The following DYRK1A variants were observed in gnomAD, a reference collection of about 807,000 sequenced individuals.
DYRK1A encodes dual specificity tyrosine-phosphorylation-regulated kinase 1A.
Under a neutral mutation model 79.7 loss-of-function variants are expected in DYRK1A, and 9 were observed. The ratio of observed to expected loss-of-function variants is 0.11; its 90% CI spans 0.07 to 0.20. The LOEUF is 0.20. Ranked by LOEUF, DYRK1A falls within the 10% of genes least tolerant of loss-of-function variation. The pLI is 1.00. For missense variants in DYRK1A, 622 were observed against 956.0 expected (o/e 0.65, Z 4.61); for synonymous variants, 349 against 329.7 (o/e 1.06, Z -0.63).
chr21:37,505,961 A>T, intron 10 of DYRK1A, 138 bp from the exon 11 acceptor site: 2 of 1,094,014 alleles, frequency 1.8e-6, no homozygotes, highest in Non-Finnish European at 2.5e-6. Flanking sequence ...TTTGTGATAT[A>T]CTTTCAAGTT....
intron 2 of DYRK1A, chr21:37,425,706 A>G (rs2050600238): frequency 6.6e-6 from 1 of 152,248 alleles, no homozygotes; most frequent in Admixed American, 6.5e-5. Context: ...CAGAGTAACT[A>G]GCTCAGCAAA....
At chr21:37,430,517 G>A (rs1438387973) in intron 2 of DYRK1A, 3 of 569,706 alleles carry the variant, frequency 5.3e-6, no homozygotes, top group Non-Finnish European at 6.7e-6. Flanking sequence ...AACCCTTGTT[G>A]CCCAACTCAA....
At chr21:37,439,290 C>A (rs1317070599) in intron 2 of DYRK1A, among the ~76,000 whole-genome samples, 1 of 152,062 alleles carries the variant, frequency 6.6e-6, no homozygotes, top group Non-Finnish European at 1.5e-5. Flanking sequence ...CTTTTTCTTG[C>A]CGTTCTACAT....
At chr21:37,500,768 A>G (rs994583287) in intron 9 of DYRK1A, among the ~76,000 whole-genome samples, 1 of 151,898 alleles carries the variant, frequency 6.6e-6, no homozygotes, top group Admixed American at 6.6e-5. Context: ...ATATTTTACT[A>G]TAATTTTTTT....
At chr21:37,374,490 A>G (rs960770739) in intron 1 of DYRK1A, among the ~76,000 whole-genome samples, 1 of 151,870 alleles carries the variant, frequency 6.6e-6, no homozygotes, top group Non-Finnish European at 1.5e-5. Context: ...GAACTTGTCA[A>G]AGTTAAGAGA....
intron 9 of DYRK1A, chr21:37,501,424 TCC>T (rs1337837880): frequency 6.6e-6 from 1 of 152,196 alleles, no homozygotes; most frequent in Admixed American, 6.5e-5. Context: ...TGCCTTGTCC[TCC>T]CAAAGTGCTG....
At chr21:37,504,603 T>C (rs1207898717) in intron 9 of DYRK1A, 1 of 152,260 alleles carries the variant, frequency 6.6e-6, no homozygotes, top group Non-Finnish European at 1.5e-5. Context: ...TCAATATTTA[T>C]AGAGATCTTG....
At chr21:37,435,194 A>T (rs748370204) in intron 2 of DYRK1A, among the ~76,000 whole-genome samples, 1 of 152,202 alleles carries the variant, frequency 6.6e-6, no homozygotes, top group Non-Finnish European at 1.5e-5. Flanking sequence ...TTGTTTTCCT[A>T]TTGGACAATT....
chr21:37,402,589 T>C (rs1250374281), intron 1 of DYRK1A, among the ~76,000 whole-genome samples: 1 of 152,230 alleles, frequency 6.6e-6, no homozygotes, highest in Non-Finnish European at 1.5e-5. Context: ...GGTTATCATT[T>C]GAAAGATTTT....
intron 2 of DYRK1A, among the ~76,000 whole-genome samples, chr21:37,420,626 G>A (rs1292599392): frequency 6.6e-6 from 1 of 152,042 alleles, no homozygotes; most frequent in Non-Finnish European, 1.5e-5. Flanking sequence ...GGCTTTTCAA[G>A]AGCTAATATT....
At chr21:37,396,263 A>G (rs1368950913) in intron 1 of DYRK1A, among the ~76,000 whole-genome samples, 1 of 152,000 alleles carries the variant, frequency 6.6e-6, no homozygotes, top group East Asian at 1.9e-4. Context: ...GAAGTAGAAT[A>G]GGGTTTCTAA....
At position 37,480,769 on chromosome 21, in the gene DYRK1A, A is replaced by G; in HGVS notation, c.432A>G (p.Glu144=). 6.2e-7 allele frequency: 1 copy of G among 1,612,266 alleles called. No individual in the cohort carries two copies. The highest frequency in any genetic ancestry group is 1.7e-5 in the Admixed American group (1 of 59,666). ...DNYDYIVKNG[E]KWMDRYEIDS... ...ATGATTATATTGTAAAAAACGGAGAAAAGTGGATGGATCGTTACGAAATTG... is the reference window on the plus strand; with the variant it reads ...ATGATTATATTGTAAAAAACGGAGAGAAGTGGATGGATCGTTACGAAATTG... The change falls in exon 5 of 12, where the codon GAA becomes GAG. Residue 144 remains glutamate (E), a synonymous_variant. Coordinates refer to ENST00000647188, the MANE Select transcript of DYRK1A (RefSeq NM_001347721.2).
chr21:37,464,413 A>G, intron 2 of DYRK1A: 1 of 336,136 alleles, frequency 3.0e-6, no homozygotes, highest in South Asian at 2.4e-5. Flanking sequence ...AAAGTTACAG[A>G]AACATGCTCA....
chr21:37,474,866 G>A (rs2052344346), intron 3 of DYRK1A, among the ~76,000 whole-genome samples: 1 of 152,066 alleles, frequency 6.6e-6, no homozygotes, highest in South Asian at 2.1e-4. Flanking sequence ...TTAAATTCTA[G>A]TACCCTGGAT....
intron 2 of DYRK1A, among the ~76,000 whole-genome samples, chr21:37,424,935 T>A (rs887664932): frequency 6.6e-6 from 1 of 152,166 alleles, no homozygotes; most frequent in Non-Finnish European, 1.5e-5. Flanking sequence ...ATAGTTAAAA[T>A]AAATCTTCAA....
At chr21:37,384,368 G>T (rs892093484) in intron 1 of DYRK1A, among the ~76,000 whole-genome samples, 2 of 152,158 alleles carry the variant, frequency 1.3e-5, no homozygotes, top group Admixed American at 1.3e-4. Flanking sequence ...AGAGGGCTGA[G>T]AATTATTTGA....
intron 1 of DYRK1A, among the ~76,000 whole-genome samples, chr21:37,373,790 T>C (rs1405784801): frequency 2.0e-5 from 3 of 152,224 alleles, no homozygotes; most frequent in East Asian, 3.8e-4. Context: ...ATGTGGTCTT[T>C]GATAGGTGAC....
At chr21:37,474,198 C>CG (rs2052321719) in intron 3 of DYRK1A, among the ~76,000 whole-genome samples, 2 of 152,094 alleles carry the variant, frequency 1.3e-5, no homozygotes, top group African/African-American at 2.4e-5. Flanking sequence ...GTGTCTACAG[C>CG]GGGCTAGGAA....
rs922288857 is a variant in DYRK1A at position 37,519,805 on chromosome 21, G to C, written c.*7274G>C. 7.9e-6 allele frequency: 1 copy of C among 127,046 alleles called. No homozygotes were observed. 7.9% of individuals were successfully genotyped at this position (127,046 alleles called of 1,614,324 possible). On this transcript the variant is annotated 3_prime_UTR_variant, in exon 12 of 12. Transcript: ENST00000647188. ...CGCCCAGGCTGGAGTGCAGTGGCGC[G>C]ATCTCGGCTCACTGCAAGCTCCGCC...
Sources: gnomAD v4.1 joint callset for allele counts (sites outside exome capture counted in the v4.1 genomes callset) on GRCh38, gnomAD v4.1.1 for gene constraint, MANE v1.5 for transcripts, NCBI Gene and HGNC (gene_info 2026-07-23, HGNC 2026-07-21) for gene names.